Variants in SRPK2 observed in about 807,000 individuals in gnomAD.
The protein encoded by SRPK2 is SFRS protein kinase 2.
SRPK2 carries 21 observed loss-of-function variants against 90.8 expected under a neutral mutation model. The observed-to-expected ratio is 0.23, with a 90% confidence interval of 0.16 to 0.33. The LOEUF is 0.33. Among genes scored for constraint, SRPK2 ranks in the 10% least tolerant of loss-of-function variants. The probability of loss-of-function intolerance (pLI) is 1.00; values close to 1 mark genes in which losing one functional copy is unlikely to be tolerated. For missense variants in SRPK2, 620 were observed against 869.0 expected (o/e 0.71, Z 3.60); for synonymous variants, 288 against 311.1 (o/e 0.93, Z 0.78).
rs527704977 is a variant in SRPK2 at position 105,259,483 on chromosome 7, C to T, written c.72-55698G>A. 4.8e-3 allele frequency among the ~76,000 whole-genome samples: 735 copies of T among 152,186 alleles called. 14 individuals are homozygous for T. Among genetic ancestry groups the T allele is most frequent in the Non-Finnish European group, 5.0e-3 (343 of 67,998 alleles). On this transcript the variant is annotated intron_variant, in intron 2 of 15. Coordinates refer to ENST00000393651, the MANE Select transcript of SRPK2 (RefSeq NM_182692.3). ...CTAAGGTAATTTACAGATTCAATGC[C>T]ATCCCCATCAAGCTACCAATGACTT...
intron 2 of SRPK2, among the ~76,000 whole-genome samples, chr7:105,246,393 T>G (rs1801669511): frequency 1.3e-5 from 2 of 152,184 alleles, no homozygotes; most frequent in Admixed American, 1.3e-4. Flanking sequence ...ATGAGTTTGG[T>G]TTAGGGCCAG....
intron 2 of SRPK2, among the ~76,000 whole-genome samples, chr7:105,232,794 T>G (rs1242449993): frequency 6.6e-6 from 1 of 151,688 alleles, no homozygotes; most frequent in East Asian, 1.9e-4. Flanking sequence ...GCAGGTGGAT[T>G]ACGAGGTCAA....
intron 2 of SRPK2, among the ~76,000 whole-genome samples, chr7:105,368,012 A>G: frequency 6.6e-6 from 1 of 152,196 alleles, no homozygotes; most frequent in East Asian, 1.9e-4. Flanking sequence ...AGGAGAGTAC[A>G]GTTACAAAGC....
rs1313361150 is a variant in SRPK2 at position 105,117,912 on chromosome 7, G to T, written c.2026C>A (p.Pro676Thr). 6.2e-7 allele frequency: 1 copy of T among 1,614,052 alleles called. No homozygotes were observed. Reference protein sequence around the residue: ...DAAQFTDFLIPMLEMVPEKRA... With the variant: ...DAAQFTDFLITMLEMVPEKRA... The stretch of plus-strand genomic sequence containing the variant: ...TTTTCTGGAACCATTTCTAACATCG[G>T]GATCAGGAAATCTGTAAACTGTGCA... The change falls in exon 16 of 16, where the codon CCG (proline) becomes ACG (threonine). Residue 676 changes from proline (P) to threonine (T), a missense_variant. Pro to Thr is a conservative substitution (Grantham distance 38). This residue lies in a region of SRPK2 where 71 missense variants were observed against 123.1 expected (regional missense o/e 0.58). Coordinates refer to ENST00000393651, the MANE Select transcript of SRPK2 (RefSeq NM_182692.3).
rs368846980 is a variant in SRPK2, at chr7:105,385,545, G to A, written c.71+3103C>T. 3.4e-4 allele frequency among the ~76,000 whole-genome samples: 51 copies of A among 152,174 alleles called. 1 individual carries two copies. The Middle Eastern group carries it at 0.014, about 41-fold the overall frequency. On this transcript the variant is annotated intron_variant, in intron 2 of 15. Transcript: ENST00000393651. ...ATGTAAGCCTCCAATGGCCTACGAG[G>A]GTAGACACGCTCTGACTCCTGCCTC...
At chr7:105,316,803 C>T (rs1812360157) in intron 2 of SRPK2, among the ~76,000 whole-genome samples, 1 of 152,198 alleles carries the variant, frequency 6.6e-6, no homozygotes, top group Admixed American at 6.5e-5. Flanking sequence ...AGACTAGTTC[C>T]CGCCCACTGG....
intron 2 of SRPK2, among the ~76,000 whole-genome samples, chr7:105,336,478 A>G (rs1282156187): frequency 6.6e-6 from 1 of 152,166 alleles, no homozygotes; most frequent in Non-Finnish European, 1.5e-5. Flanking sequence ...CCAGTTTTTC[A>G]GAATATTGGA....
chr7:105,145,099 T>G (rs1804374522), intron 9 of SRPK2, among the ~76,000 whole-genome samples, 184 bp downstream of exon 9: 1 of 100,298 alleles, frequency 1.0e-5, no homozygotes. Flanking sequence ...AGAGTGAAAC[T>G]CAGTTTTCAA....
At chr7:105,125,339 A>G (rs1332361682) in intron 15 of SRPK2, among the ~76,000 whole-genome samples, 1 of 152,138 alleles carries the variant, frequency 6.6e-6, no homozygotes, top group African/African-American at 2.4e-5. Context: ...CATTTTTAAG[A>G]ATGTGAGGTA....
In SRPK2 at chr7:105,285,836, G is replaced by A. The variant is rs1037898649; in HGVS notation, c.72-82051C>T. ...ATGCTTGTAAAGCCTGCAGAACCGCGAGCCAATTAAACCTCTTTTCTTTAA... is the reference window on the plus strand; with the variant it reads ...ATGCTTGTAAAGCCTGCAGAACCGCAAGCCAATTAAACCTCTTTTCTTTAA... On this transcript the variant is annotated intron_variant, in intron 2 of 15. Transcript: ENST00000393651. 2.0e-5 allele frequency among the ~76,000 whole-genome samples: 3 copies of A among 152,108 alleles called. No individual in the cohort carries two copies. In the East Asian group the frequency reaches 5.8e-4, roughly 29 times the overall value.
chr7:105,393,080 G>A (rs1208649801), upstream of SRPK2, among the ~76,000 whole-genome samples: 2 of 151,852 alleles, frequency 1.3e-5, no homozygotes, highest in Non-Finnish European at 1.5e-5. Context: ...CGCAACCTCC[G>A]CCTTCCAGGC....
At chr7:105,334,933 C>T (rs1296288054) in intron 2 of SRPK2, among the ~76,000 whole-genome samples, 1 of 150,912 alleles carries the variant, frequency 6.6e-6, no homozygotes, top group African/African-American at 2.5e-5. Flanking sequence ...CTTTGGGAGG[C>T]CAAGGCGGGC....
intron 2 of SRPK2, among the ~76,000 whole-genome samples, chr7:105,336,095 T>A (rs1279412176): frequency 6.6e-6 from 1 of 152,250 alleles, no homozygotes; most frequent in Non-Finnish European, 1.5e-5. Flanking sequence ...CAATTTATAG[T>A]ATTTTTCTTG....
intron 2 of SRPK2, among the ~76,000 whole-genome samples, chr7:105,240,193 C>T (rs1800633526): frequency 6.6e-6 from 1 of 152,256 alleles, no homozygotes; most frequent in South Asian, 2.1e-4. Context: ...CCAGCTGTGT[C>T]CTCATGGTGG....
chr7:105,252,949 G>A (rs896702774), intron 2 of SRPK2, among the ~76,000 whole-genome samples: 1 of 151,782 alleles, frequency 6.6e-6, no homozygotes, highest in Non-Finnish European at 1.5e-5. Flanking sequence ...CATCATGTTG[G>A]CCAGGCTGGT....
At chr7:105,191,352 C>T (rs1190734927) in intron 3 of SRPK2, among the ~76,000 whole-genome samples, 6 of 152,148 alleles carry the variant, frequency 3.9e-5, no homozygotes, top group African/African-American at 1.4e-4. Flanking sequence ...GAGGAGATTC[C>T]TTGAGCTCAG....
intron 2 of SRPK2, among the ~76,000 whole-genome samples, chr7:105,334,353 C>T (rs1814803766): frequency 6.6e-6 from 1 of 152,178 alleles, no homozygotes; most frequent in South Asian, 2.1e-4. Context: ...GCTGGGATTA[C>T]AGGCGTGAGC....
intron 2 of SRPK2, among the ~76,000 whole-genome samples, chr7:105,205,664 A>G (rs1450261849): frequency 6.6e-6 from 1 of 152,022 alleles, no homozygotes; most frequent in African/African-American, 2.4e-5. Context: ...TTTTTAACAC[A>G]TGTGCCCTTA....
intron 2 of SRPK2, among the ~76,000 whole-genome samples, chr7:105,330,545 TC>T (rs1814190475): frequency 6.6e-6 from 1 of 152,054 alleles, no homozygotes; most frequent in African/African-American, 2.4e-5. Context: ...ACATGACTCT[TC>T]CTAGAAAACC....
Sources: allele counts gnomAD v4.1 joint callset (sites outside exome capture counted in the v4.1 genomes callset), GRCh38; gene constraint gnomAD v4.1.1; regional missense constraint gnomAD v4.1.1; transcripts MANE v1.5; gene names NCBI Gene and HGNC (gene_info 2026-07-23, HGNC 2026-07-21).